KDM3A: variants seen among roughly 807,000 people sequenced by gnomAD.
KDM3A encodes the protein lysine-specific demethylase 3A.
In KDM3A, 60 loss-of-function variants were observed where a neutral mutation model predicts 158.0. The ratio of observed to expected loss-of-function variants is 0.38; its 90% CI spans 0.31 to 0.47. The LOEUF (loss-of-function observed/expected upper bound fraction) is 0.47, where lower values mean the gene tolerates loss of function less well. Among genes scored for constraint, KDM3A ranks in the 20% least tolerant of loss-of-function variants. The pLI is 0.99. For synonymous variants in KDM3A, 608 were observed against 549.3 expected (o/e 1.11, Z -1.49); for missense variants, 1,319 against 1,574.3 (o/e 0.84, Z 2.74).
chr2:86,478,118 A>C lies in KDM3A; in HGVS notation c.2093-52A>C, dbSNP rs753064085. ...TTGTGTTTGGCGGGTTTCTTGAAGC[A>C]TGTGGAGACAGAGTCTGTAAAGAAC... On this transcript the variant is annotated intron_variant, in intron 13 of 25. Coordinates refer to ENST00000312912, the MANE Select transcript of KDM3A (RefSeq NM_018433.6). 18 of 1,608,280 alleles carry C rather than the reference A, an allele frequency of 1.1e-5. No individual in the cohort carries two copies. In the Admixed American group the frequency reaches 2.8e-4, roughly 25 times the overall value.
upstream of KDM3A, among the ~76,000 whole-genome samples, chr2:86,439,327 T>A (rs1191703240): frequency 6.6e-6 from 1 of 152,044 alleles, no homozygotes; most frequent in Non-Finnish European, 1.5e-5. Flanking sequence ...TCATATCAAT[T>A]ACCTAAAAAA....
At chr2:86,482,421 T>A in intron 17 of KDM3A, 37 bp from the exon 18 acceptor site, 1 of 1,603,496 alleles carries the variant, frequency 6.2e-7, no homozygotes, top group Non-Finnish European at 8.5e-7. Context: ...GGTAAGGGAA[T>A]GACATATTTG....
intron 8 of KDM3A, among the ~76,000 whole-genome samples, chr2:86,461,818 G>A (rs1017309661): frequency 6.6e-6 from 1 of 152,130 alleles, no homozygotes; most frequent in African/African-American, 2.4e-5. Context: ...GCCCAGGCAA[G>A]AAAGGGCTTA....
intron 16 of KDM3A, among the ~76,000 whole-genome samples, chr2:86,481,081 A>T (rs1422913003): frequency 6.6e-6 from 1 of 152,214 alleles, no homozygotes; most frequent in Non-Finnish European, 1.5e-5. Flanking sequence ...ACATTCAAAA[A>T]TGTAGAAGAA....
In KDM3A at chr2:86,470,233, C is replaced by T. The variant is rs1164029256; in HGVS notation, c.1549C>T (p.Pro517Ser). 6.2e-7 allele frequency: 1 copy of T among 1,613,944 alleles called. No individual in the cohort carries two copies. The highest frequency in any genetic ancestry group is 8.5e-7 in the Non-Finnish European group (1 of 1,179,976). The part of the protein sequence containing the change: ...APSRKSVLTD[P>S]AKLKKLQQSG... Reference sequence around the variant, plus strand: ...ATCCAGGAAGTCGGTTTTGACAGACCCAGCTAAACTCAAAAAGCTGCAACA... The same window carrying T: ...ATCCAGGAAGTCGGTTTTGACAGACTCAGCTAAACTCAAAAAGCTGCAACA... The change falls in exon 11 of 26, where the codon CCA becomes TCA. Residue 517 changes from proline (P) to serine (S), a missense_variant. Around this residue, in one of 4 missense-constraint regions of KDM3A, gnomAD observed 652 missense variants for 627.2 expected, o/e 1.04. Coordinates refer to ENST00000312912, the MANE Select transcript of KDM3A (RefSeq NM_018433.6).
chr2:86,455,276 C>T (rs1010649911), intron 5 of KDM3A, 89 bp downstream of exon 5: 10 of 720,454 alleles, frequency 1.4e-5, no homozygotes, highest in African/African-American at 1.1e-4. Flanking sequence ...TTCATTTGCT[C>T]ATGGAAATTT....
chr2:86,452,233 G>C (rs1426354402), intron 4 of KDM3A, among the ~76,000 whole-genome samples: 3 of 149,894 alleles, frequency 2.0e-5, no homozygotes, highest in Non-Finnish European at 3.0e-5. Flanking sequence ...GTTTAAAATG[G>C]CCCCCAAAAG....
chr2:86,451,497 AATC>A (rs1672468505), intron 4 of KDM3A, among the ~76,000 whole-genome samples: 1 of 152,352 alleles, frequency 6.6e-6, no homozygotes, highest in Admixed American at 6.5e-5. Context: ...ATGTTATTAA[AATC>A]ATAAGCAGAA....
At chr2:86,447,656 T>C (rs2104625612) in intron 2 of KDM3A, among the ~76,000 whole-genome samples, 1 of 152,332 alleles carries the variant, frequency 6.6e-6, no homozygotes, top group East Asian at 1.9e-4. Flanking sequence ...GTGTCACTTT[T>C]TTCATTTTGA....
intron 15 of KDM3A, chr2:86,479,650 C>G (rs1463181954): frequency 6.6e-6 from 1 of 152,468 alleles, no homozygotes; most frequent in African/African-American, 2.4e-5. Context: ...TTATTTTCTT[C>G]TACAGCAGTC....
At chr2:86,450,653 T>C (rs933880090) in intron 3 of KDM3A, among the ~76,000 whole-genome samples, 1 of 152,138 alleles carries the variant, frequency 6.6e-6, no homozygotes, top group Non-Finnish European at 1.5e-5. Context: ...GGAGAATGGT[T>C]GAAGGCTGAT....
intron 9 of KDM3A, among the ~76,000 whole-genome samples, chr2:86,466,101 TAGAAC>T (rs1195553309): frequency 6.6e-6 from 1 of 152,146 alleles, no homozygotes; most frequent in East Asian, 1.9e-4. Context: ...CTGTGAGAAG[TAGAAC>T]TAACGTAAGA....
At chr2:86,451,055 A>G in intron 3 of KDM3A, 48 bp from the exon 4 acceptor site, 1 of 1,286,972 alleles carries the variant, frequency 7.8e-7, no homozygotes, top group Non-Finnish European at 1.1e-6. Context: ...TATTTTCAGA[A>G]TTATGCTGAC....
At chr2:86,467,559 A>G (rs757967427) in intron 10 of KDM3A, among the ~76,000 whole-genome samples, 1 of 152,186 alleles carries the variant, frequency 6.6e-6, no homozygotes, top group Admixed American at 6.5e-5. Context: ...ACTTGATGCT[A>G]CTTATATGAA....
chr2:86,478,032 G>A lies in KDM3A; in HGVS notation c.2092+3G>A, dbSNP rs1272111768. On this transcript the variant is annotated splice_donor_region_variant and intron_variant, in intron 13 of 25. Transcript: ENST00000312912. ...GAAGAGAAAGAATTGCCAACAGGGT[G>A]AGAACCGATTTGATTCTCCTCCAGC... is the stretch of plus-strand genomic sequence containing the variant. 2.5e-6 allele frequency: 4 copies of A among 1,614,164 alleles called. No homozygotes were observed. In the East Asian group the frequency reaches 6.7e-5, roughly 27 times the overall value.
At chr2:86,467,786 C>T (rs938516011) in intron 10 of KDM3A, among the ~76,000 whole-genome samples, 7 of 152,074 alleles carry the variant, frequency 4.6e-5, no homozygotes, top group Non-Finnish European at 1.0e-4. Context: ...TTTGGGAGAC[C>T]ACTGTGGGAG....
chr2:86,464,309 G>T (rs150015349), intron 9 of KDM3A, 93 bp downstream of exon 9: 1 of 970,562 alleles, frequency 1.0e-6, no homozygotes, highest in East Asian at 2.9e-5. Flanking sequence ...GTCCAGGGAG[G>T]TTTTTCGTTA....
At chr2:86,487,828 GTACAGTTACCCATGAC>G (rs2104712269) in intron 21 of KDM3A, 2 of 136,210 alleles carry the variant, frequency 1.5e-5, no homozygotes, top group East Asian at 3.9e-4. Flanking sequence ...TTTTATCAAT[GTACAGTTACCCATGAC>G]TGGGATCCAG....
At chr2:86,456,088 C>T (rs531496064) in intron 5 of KDM3A, among the ~76,000 whole-genome samples, 14 of 152,122 alleles carry the variant, frequency 9.2e-5, no homozygotes, top group African/African-American at 1.9e-4. Context: ...CCTTACCTTC[C>T]CATTTGTGTT....
Sources: allele counts gnomAD v4.1 joint callset (sites outside exome capture counted in the v4.1 genomes callset), GRCh38; gene constraint gnomAD v4.1.1; regional missense constraint gnomAD v4.1.1; transcripts MANE v1.5; gene names NCBI Gene and HGNC (gene_info 2026-07-23, HGNC 2026-07-21).